LAMA1: variants seen among roughly 807,000 people sequenced by gnomAD.
The protein encoded by LAMA1 is laminin subunit alpha 1.
In LAMA1, 219 loss-of-function variants were observed where a neutral mutation model predicts 348.7. The ratio of observed to expected loss-of-function variants is 0.63; its 90% CI spans 0.56 to 0.70. The LOEUF (loss-of-function observed/expected upper bound fraction) is 0.70. Among genes scored for constraint, LAMA1 ranks in the 30% least tolerant of loss-of-function variants. LAMA1 has a pLI of 0.00. For missense variants in LAMA1, 3,744 were observed against 3,888.0 expected (o/e 0.96, Z 0.99); for synonymous variants, 1,487 against 1,491.0 (o/e 1.00, Z 0.06).
At chr18:7,020,995 T>A (rs1335435352) in intron 19 of LAMA1, among the ~76,000 whole-genome samples, 1 of 152,182 alleles carries the variant, frequency 6.6e-6, no homozygotes. Context: ...CCTTCCGACG[T>A]GGCTGCTTCC....
intron 49 of LAMA1, 93 bp from the exon 50 acceptor site, chr18:6,965,525 C>G: frequency 6.9e-7 from 1 of 1,456,688 alleles, no homozygotes; most frequent in East Asian, 2.3e-5. Context: ...CTTCTAAAGT[C>G]AAACTGAGAA....
chr18:6,981,462 A>C (rs1425189057), intron 41 of LAMA1, among the ~76,000 whole-genome samples: 2 of 152,168 alleles, frequency 1.3e-5, no homozygotes, highest in Non-Finnish European at 1.5e-5. Flanking sequence ...AAGTTTGATC[A>C]CAGCTTTTAC....
intron 53 of LAMA1, chr18:6,960,381 A>T (rs1568008228): frequency 6.6e-6 from 1 of 152,228 alleles, no homozygotes; most frequent in Non-Finnish European, 1.5e-5. Flanking sequence ...AATGGGGATG[A>T]ACTTCAAAGA....
intron 42 of LAMA1, among the ~76,000 whole-genome samples, chr18:6,978,750 T>C (rs1337343148): frequency 6.6e-6 from 1 of 152,216 alleles, no homozygotes; most frequent in Non-Finnish European, 1.5e-5. Context: ...CTTCTTTATT[T>C]GGGTCCTTTT....
In LAMA1 at chr18:7,091,552, T is replaced by G. The variant is rs369496934; in HGVS notation, c.62-11095A>C. Among the ~76,000 whole-genome samples, 247 of 152,346 alleles carry G rather than the reference T, an allele frequency of 1.6e-3. 3 individuals are homozygous for G. Among genetic ancestry groups the G allele is most frequent in the Middle Eastern group, 0.01 (3 of 294 alleles). ...TGAAGGTCTTAGTTATTTCTTTCCCTTTCTTCTGCCACTTCTGCACTTGAT... is the reference window on the plus strand; with the variant it reads ...TGAAGGTCTTAGTTATTTCTTTCCCGTTCTTCTGCCACTTCTGCACTTGAT... On this transcript the variant is annotated intron_variant, in intron 1 of 62. Transcript: ENST00000389658.
intron 36 of LAMA1, among the ~76,000 whole-genome samples, chr18:6,988,413 T>A (rs2057744623): frequency 6.6e-6 from 1 of 152,214 alleles, no homozygotes; most frequent in African/African-American, 2.4e-5. Flanking sequence ...GGGCTGCTGA[T>A]GTGCGTCAGC....
rs144250531 is a variant in LAMA1, at chr18:6,948,368, C to A, written c.8710+35G>T. 1,021 of 1,613,854 alleles carry A rather than the reference C, an allele frequency of 6.3e-4. 9 individuals carry two copies. The African/African-American group carries it at 0.012, about 19-fold the overall frequency. On this transcript the variant is annotated intron_variant, in intron 60 of 62. Coordinates refer to ENST00000389658, the MANE Select transcript of LAMA1 (RefSeq NM_005559.4). ...CATCGCTTTAGAGTACAGACTCATTCGGGGACTGCCTTCGAGAGTGTTGCT... is the reference window on the plus strand; with the variant it reads ...CATCGCTTTAGAGTACAGACTCATTAGGGGACTGCCTTCGAGAGTGTTGCT...
intron 1 of LAMA1, among the ~76,000 whole-genome samples, chr18:7,099,107 A>G (rs1329717001): frequency 4.6e-5 from 7 of 151,832 alleles, no homozygotes; most frequent in African/African-American, 1.5e-4. Flanking sequence ...GAGACTTTTC[A>G]TTTTGTTCTG....
Position 7,085,470 on chromosome 18 carries a change from G to C in LAMA1, c.62-5013C>G, listed in dbSNP as rs188208558. 3.3e-4 allele frequency among the ~76,000 whole-genome samples: 41 copies of C among 124,574 alleles called. No homozygotes were observed. The East Asian group carries it at 6.8e-3, about 21-fold the overall frequency. 81.7% of individuals were successfully genotyped at this position (124,574 alleles called of 152,430 possible). A position where few individuals can be genotyped will look rare whatever the true frequency, so the allele number is the denominator to read the frequency against. ...GTCTTGCTCTGTCGCCCAGGCTGTA[G>C]TGCAGTGGCACGATCTCCGCTCACT... On this transcript the variant is annotated intron_variant, in intron 1 of 62. Transcript: ENST00000389658.
rs113176242 is a variant in LAMA1 at position 7,042,863 on chromosome 18, C to A, written c.1155+364G>T. ...GCACCACTGCACTCCAGCCTGGCGA[C>A]AGAGCGAGACTCCGTCTCAAAAAAT... On this transcript the variant is annotated intron_variant, in intron 8 of 62. Coordinates refer to ENST00000389658, the MANE Select transcript of LAMA1 (RefSeq NM_005559.4). 1,171 of 232,612 alleles carry A rather than the reference C, an allele frequency of 5.0e-3. 12 individuals carry two copies. Among genetic ancestry groups the A allele is most frequent in the African/African-American group, 0.023 (999 of 42,690 alleles). The allele number at this position is 232,612 out of a possible 1,614,324, so 14.4% of individuals were successfully genotyped here.
Position 7,082,688 on chromosome 18 carries a change from G to A in LAMA1, c.62-2231C>T, listed in dbSNP as rs117392532. ...ATAAAATATGCTTTTAAACTATAGC[G>A]TTTTGTCCAAACAGCTAAAATGACA... On this transcript the variant is annotated intron_variant, in intron 1 of 62. Coordinates refer to ENST00000389658, the MANE Select transcript of LAMA1 (RefSeq NM_005559.4). Among the ~76,000 whole-genome samples, 32 of 152,116 alleles carry A rather than the reference G, an allele frequency of 2.1e-4. No homozygotes were observed. The East Asian group carries it at 5.4e-3, about 26-fold the overall frequency.
intron 3 of LAMA1, among the ~76,000 whole-genome samples, chr18:7,075,918 CAG>C (rs1285487101): frequency 6.8e-6 from 1 of 146,916 alleles, no homozygotes; most frequent in Non-Finnish European, 1.5e-5. Context: ...GCCTGGGCGA[CAG>C]AGTGAGGCTC....
At chr18:6,985,211 G>C (rs769174589) in intron 39 of LAMA1, 26 bp downstream of exon 39, 1 of 1,613,650 alleles carries the variant, frequency 6.2e-7, no homozygotes, top group Non-Finnish European at 8.5e-7. Context: ...GCAAGCTCTT[G>C]AGTTCCCACA....
At chr18:7,052,793 A>G (rs1441049265) in intron 3 of LAMA1, among the ~76,000 whole-genome samples, 1 of 151,944 alleles carries the variant, frequency 6.6e-6, no homozygotes, top group Non-Finnish European at 1.5e-5. Flanking sequence ...GGAGACTGAG[A>G]GTGAATCATG....
rs149915116 is a variant in LAMA1, at chr18:6,994,987, C to T, written c.4896+370G>A. Among the ~76,000 whole-genome samples the T allele has an allele frequency of 1.9e-3, 285 of 152,244 alleles. 4 individuals carry two copies. In the East Asian group the frequency reaches 0.034, roughly 18 times the overall value. On this transcript the variant is annotated intron_variant, in intron 34 of 62. Transcript: ENST00000389658. ...CAGAGAGCATTACTGATGTTCAGTC[C>T]GTGCTTTTGGGCTCACCGTGTACTT...
intron 29 of LAMA1, among the ~76,000 whole-genome samples, chr18:7,006,526 T>C (rs2057832671): frequency 6.6e-6 from 1 of 152,146 alleles, no homozygotes; most frequent in African/African-American, 2.4e-5. Context: ...AGTACTGCAA[T>C]TAAAAACAAG....
intron 18 of LAMA1, 80 bp from the exon 19 acceptor site, chr18:7,023,455 G>A: frequency 4.4e-6 from 5 of 1,141,802 alleles, no homozygotes; most frequent in Non-Finnish European, 6.6e-6. Context: ...CTCCCTGAAT[G>A]GCTAATAAAT....
chr18:7,107,369 C>A (rs1202733179), intron 1 of LAMA1, among the ~76,000 whole-genome samples: 3 of 151,936 alleles, frequency 2.0e-5, no homozygotes. Context: ...CCACCCGCCT[C>A]CGCCTCCCAA....
chr18:6,964,469 G>T (rs1467675634), intron 51 of LAMA1, among the ~76,000 whole-genome samples, 193 bp downstream of exon 51: 1 of 152,164 alleles, frequency 6.6e-6, no homozygotes. Context: ...GCATGGAACA[G>T]ATTCTCTCTC....
Sources: allele counts gnomAD v4.1 joint callset (sites outside exome capture counted in the v4.1 genomes callset), GRCh38; gene constraint gnomAD v4.1.1; transcripts MANE v1.5; gene names NCBI Gene and HGNC (gene_info 2026-07-23, HGNC 2026-07-21).